Variants in LRCH1 observed in about 807,000 individuals in gnomAD.
The protein encoded by LRCH1 is leucine-rich repeat and calponin homology domain-containing protein 1.
In LRCH1, 23 loss-of-function variants were observed where a neutral mutation model predicts 94.9. The observed-to-expected ratio is 0.24, with a 90% CI of 0.17 to 0.34. The LOEUF is 0.34. LRCH1 is among the 10% of genes least tolerant of loss of function. The pLI is 1.00. For synonymous variants in LRCH1, 364 were observed against 354.9 expected, an observed-to-expected ratio of 1.03 and a Z score of -0.29; for missense variants, 790 against 945.9, an observed-to-expected ratio of 0.84 and a Z score of 2.16.
intron 2 of LRCH1, among the ~76,000 whole-genome samples, chr13:46,650,733 AAAAAAAAAAG>A (rs2051283569): frequency 6.8e-6 from 1 of 146,286 alleles, no homozygotes; most frequent in Non-Finnish European, 1.5e-5. Flanking sequence ...AAAAAAAAAA[AAAAAAAAAAG>A]AGAAAGCCTG....
In LRCH1 at chr13:46,712,592, G is replaced by A. The variant is rs764470516; in HGVS notation, c.1649G>A (p.Arg550Gln). 4 of 1,613,516 alleles carry A rather than the reference G, an allele frequency of 2.5e-6. No homozygotes were observed. Among genetic ancestry groups the A allele is most frequent in the Admixed American group, 1.7e-5 (1 of 60,010 alleles). ...NSTAPFGLKP[R>Q]SDPALILPPI... ...ACAGCTCCATTTGGCCTGAAGCCTC[G>A]ATCAGGTAAATGAAAACCTCAGCCC... The change falls in exon 15 of 20, where the codon CGA (arginine) becomes CAA (glutamine). Residue 550 changes from arginine (R) to glutamine (Q), a missense_variant. This residue lies in a region of LRCH1 where 460 missense variants were observed against 508.9 expected (regional missense o/e 0.90). Coordinates refer to ENST00000389797, the MANE Select transcript of LRCH1 (RefSeq NM_001164211.2).
chr13:46,649,462 C>T (rs916866115), intron 1 of LRCH1, among the ~76,000 whole-genome samples: 6 of 152,124 alleles, frequency 3.9e-5, no homozygotes, highest in South Asian at 2.1e-4. Flanking sequence ...TGTATGATTA[C>T]GCTGCTCTGG....
At chr13:46,596,636 A>G (rs192911493) in intron 1 of LRCH1, among the ~76,000 whole-genome samples, 3 of 152,358 alleles carry the variant, frequency 2.0e-5, no homozygotes, top group Admixed American at 6.5e-5. Context: ...CTACATTGAG[A>G]TGACATGTTA....
chr13:46,634,899 G>A (rs565747853), intron 1 of LRCH1, among the ~76,000 whole-genome samples: 3 of 152,230 alleles, frequency 2.0e-5, no homozygotes, highest in East Asian at 1.9e-4. Context: ...GCCTCCCTTC[G>A]GGCTCTTTGA....
intron 17 of LRCH1, 25 bp downstream of exon 17, chr13:46,723,355 A>G (rs1271782091): frequency 6.9e-7 from 1 of 1,455,872 alleles, no homozygotes; most frequent in East Asian, 2.3e-5. Flanking sequence ...TTATGTAACT[A>G]AAGGAGAATT....
chr13:46,585,473 A>C (rs2050423159), intron 1 of LRCH1, among the ~76,000 whole-genome samples: 1 of 151,496 alleles, frequency 6.6e-6, no homozygotes, highest in Non-Finnish European at 1.5e-5. Context: ...GCTACTCGTG[A>C]ATCTGGGAGG....
intron 1 of LRCH1, among the ~76,000 whole-genome samples, chr13:46,599,973 C>T (rs1209813462): frequency 6.6e-6 from 1 of 152,224 alleles, no homozygotes; most frequent in East Asian, 1.9e-4. Context: ...TGGCTCACGC[C>T]ACCGATCTTA....
chr13:46,601,344 T>G (rs1208533465), intron 1 of LRCH1, among the ~76,000 whole-genome samples: 1 of 152,220 alleles, frequency 6.6e-6, no homozygotes, highest in Non-Finnish European at 1.5e-5. Flanking sequence ...GAGGGGTAAC[T>G]TGCTTAGAGG....
chr13:46,588,187 A>G (rs1385858072), intron 1 of LRCH1, among the ~76,000 whole-genome samples: 1 of 152,228 alleles, frequency 6.6e-6, no homozygotes, highest in Non-Finnish European at 1.5e-5. Context: ...TGAAAAGCAG[A>G]AGCATACAGT....
In LRCH1 at chr13:46,620,056, G is replaced by C. The variant is rs141735524; in HGVS notation, c.308-30145G>C. On this transcript the variant is annotated intron_variant, in intron 1 of 19. Coordinates refer to ENST00000389797, the MANE Select transcript of LRCH1 (RefSeq NM_001164211.2). ...GTAATTCTAGTATTCGTATTTGATT[G>C]TTAAAATATTTGGACTCAGAAGTGC... 4.6e-5 allele frequency among the ~76,000 whole-genome samples: 7 copies of C among 152,278 alleles called. No homozygotes were observed. The East Asian group carries it at 1.3e-3, about 29-fold the overall frequency.
intron 1 of LRCH1, among the ~76,000 whole-genome samples, chr13:46,595,896 G>T (rs1164027380): frequency 2.1e-5 from 3 of 145,624 alleles, no homozygotes; most frequent in Admixed American, 7.0e-5. Context: ...TTTTATGTAA[G>T]ACAGGGATGT....
intron 13 of LRCH1, among the ~76,000 whole-genome samples, chr13:46,710,744 G>C (rs954483858): frequency 2.0e-5 from 3 of 152,170 alleles, no homozygotes; most frequent in African/African-American, 7.2e-5. Flanking sequence ...ATAGGAACAG[G>C]CATCTTAAAT....
chr13:46,625,108 A>G (rs960690760), intron 1 of LRCH1, among the ~76,000 whole-genome samples: 4 of 152,216 alleles, frequency 2.6e-5, no homozygotes, highest in African/African-American at 9.6e-5. Context: ...ATCTGTTTGG[A>G]TTCTTAACCC....
chr13:46,607,537 T>C (rs1379397230), intron 1 of LRCH1, among the ~76,000 whole-genome samples: 10 of 152,202 alleles, frequency 6.6e-5, no homozygotes, highest in Admixed American at 5.2e-4. Context: ...GATGAATAAA[T>C]AGAGTCAGTG....
chr13:46,653,369 G>C (rs2051331210), intron 2 of LRCH1, among the ~76,000 whole-genome samples: 1 of 152,056 alleles, frequency 6.6e-6, no homozygotes, highest in African/African-American at 2.4e-5. Context: ...TTGACAAATA[G>C]AGAAAATTTG....
intron 1 of LRCH1, among the ~76,000 whole-genome samples, chr13:46,562,989 A>G (rs935738853): frequency 1.3e-5 from 2 of 152,174 alleles, no homozygotes; most frequent in East Asian, 1.9e-4. Context: ...GTGGGTCCCT[A>G]GAGTCACACT....
chr13:46,559,973 T>G (rs1359716591), intron 1 of LRCH1, among the ~76,000 whole-genome samples: 4 of 152,144 alleles, frequency 2.6e-5, no homozygotes, highest in Admixed American at 1.3e-4. Flanking sequence ...GGTAGATACC[T>G]TTTGAAATCC....
At chr13:46,700,992 A>G (rs533919931) in intron 10 of LRCH1, 129 bp from the exon 11 acceptor site, 17 of 655,232 alleles carry the variant, frequency 2.6e-5, no homozygotes, top group Non-Finnish European at 4.0e-5. Context: ...CATTTTCACC[A>G]TAACACTGAA....
intron 1 of LRCH1, among the ~76,000 whole-genome samples, chr13:46,625,985 G>A (rs1370413098): frequency 6.6e-6 from 1 of 152,086 alleles, no homozygotes; most frequent in Non-Finnish European, 1.5e-5. Context: ...TCAGACTATG[G>A]TATTTTTGTA....
Sources: allele counts gnomAD v4.1 joint callset (sites outside exome capture counted in the v4.1 genomes callset), GRCh38; gene constraint gnomAD v4.1.1; regional missense constraint gnomAD v4.1.1; transcripts MANE v1.5; gene names NCBI Gene and HGNC (gene_info 2026-07-23, HGNC 2026-07-21).